Variants in FAM149B1 observed in about 807,000 individuals in gnomAD.
FAM149B1 encodes the protein family with sequence similarity 149 member B1.
In FAM149B1, 56 loss-of-function variants were observed where a neutral mutation model predicts 75.3. That is an observed-to-expected ratio of 0.74 (90% CI 0.60 to 0.93). The LOEUF (loss-of-function observed/expected upper bound fraction) is 0.93. FAM149B1 is among the 40% of genes least tolerant of loss of function. The pLI is 0.00. For missense variants in FAM149B1, 639 were observed against 708.4 expected, an observed-to-expected ratio of 0.90 and a Z score of 1.11; for synonymous variants, 259 against 256.1, an observed-to-expected ratio of 1.01 and a Z score of -0.11.
In FAM149B1 at chr10:73,168,305, G is replaced by A. The variant is rs1268264688; in HGVS notation, c.-35G>A. On this transcript the variant is annotated 5_prime_UTR_variant, in exon 1 of 14. Transcript: ENST00000242505. The stretch of plus-strand genomic sequence containing the variant: ...ACCCTGGCGTGCCTGCCCCGGCCGC[G>A]GCTGAGGAGGAGGAGGAGGAGGAGG... The A allele has an allele frequency of 6.5e-6, 10 of 1,545,026 alleles. No individual in the cohort carries two copies. Among genetic ancestry groups the A allele is most frequent in the Admixed American group, 2.0e-5 (1 of 50,854 alleles).
At chr10:73,183,901 A>G (rs953290522) in intron 3 of FAM149B1, among the ~76,000 whole-genome samples, 2 of 152,252 alleles carry the variant, frequency 1.3e-5, no homozygotes, top group Non-Finnish European at 2.9e-5. Context: ...GCCCAACAGC[A>G]TGTAAGTAAC....
chr10:73,226,099 ATTTT>A (rs59418464), intron 7 of FAM149B1, among the ~76,000 whole-genome samples: 2 of 143,160 alleles, frequency 1.4e-5, no homozygotes, highest in African/African-American at 2.6e-5. Context: ...TACCACAATA[ATTTT>A]TTTTTTTTTT....
At chr10:73,174,498 T>G (rs1304916357) in intron 1 of FAM149B1, among the ~76,000 whole-genome samples, 189 bp from the exon 2 acceptor site, 1 of 152,216 alleles carries the variant, frequency 6.6e-6, no homozygotes, top group African/African-American at 2.4e-5. Flanking sequence ...TTGCAAATTC[T>G]TCTTGAAATC....
intron 3 of FAM149B1, among the ~76,000 whole-genome samples, chr10:73,190,070 T>C (rs773733445): frequency 6.6e-6 from 1 of 152,118 alleles, no homozygotes; most frequent in Non-Finnish European, 1.5e-5. Flanking sequence ...GTGAAACAGA[T>C]AGTAGCTAAT....
intron 7 of FAM149B1, among the ~76,000 whole-genome samples, chr10:73,220,809 G>A (rs2043395909): frequency 6.6e-6 from 1 of 152,174 alleles, no homozygotes; most frequent in Admixed American, 6.5e-5. Context: ...AGCCAGGACA[G>A]CACCTTGATC....
In FAM149B1 at chr10:73,211,051, C is replaced by G. The variant is rs147483932; in HGVS notation, c.898+613C>G. Among the ~76,000 whole-genome samples, 60 of 152,202 alleles carry G rather than the reference C, an allele frequency of 3.9e-4. No individual in the cohort carries two copies. In the East Asian group the frequency reaches 0.011, roughly 29 times the overall value. Reference sequence around the variant, plus strand: ...ATCCCACAAATTAAGGGCCCAGTCCCACAAGACTACCCCCAACTTCAGATG... The same window carrying G: ...ATCCCACAAATTAAGGGCCCAGTCCGACAAGACTACCCCCAACTTCAGATG... On this transcript the variant is annotated intron_variant, in intron 7 of 13. Transcript: ENST00000242505.
chr10:73,205,746 G>C (rs1391185039), intron 5 of FAM149B1, among the ~76,000 whole-genome samples: 1 of 152,044 alleles, frequency 6.6e-6, no homozygotes, highest in Non-Finnish European at 1.5e-5. Flanking sequence ...TAGAGATGAG[G>C]GTTCACTGTG....
At chr10:73,186,024 T>C (rs1338886668) in intron 3 of FAM149B1, among the ~76,000 whole-genome samples, 1 of 152,074 alleles carries the variant, frequency 6.6e-6, no homozygotes, top group Non-Finnish European at 1.5e-5. Context: ...CTCTTGAAAT[T>C]AGACACAAAA....
chr10:73,233,266 A>T, intron 10 of FAM149B1, 103 bp downstream of exon 10: 1 of 819,960 alleles, frequency 1.2e-6, no homozygotes, highest in Non-Finnish European at 2.0e-6. Flanking sequence ...CTAGAAACTA[A>T]TCATTAAGTA....
At chr10:73,204,521 T>G (rs1460081156) in intron 5 of FAM149B1, among the ~76,000 whole-genome samples, 1 of 152,216 alleles carries the variant, frequency 6.6e-6, no homozygotes, top group Non-Finnish European at 1.5e-5. Context: ...TATTTAACAT[T>G]TGGTTAAACT....
Position 73,235,312 on chromosome 10 carries a change from A to G in FAM149B1, c.1596A>G (p.Ser532=). The change falls in exon 12 of 14, where the codon TCA becomes TCG. Residue 532 remains serine (S), a synonymous_variant. Transcript: ENST00000242505. The stretch of plus-strand genomic sequence containing the variant: ...TCCCCAGGCCCAACACAACTCAATC[A>G]TTTTTGGTAGAGTGACGTACTTCCT... ...DFFPRPNTTQ[S]FLLDTQYRRS... 2 of 1,552,080 alleles carry G rather than the reference A, an allele frequency of 1.3e-6. No homozygotes were observed. Among genetic ancestry groups the G allele is most frequent in the East Asian group, 2.4e-5 (1 of 40,918 alleles).
chr10:73,240,216 T>C (rs2043910741), intron 13 of FAM149B1, among the ~76,000 whole-genome samples: 1 of 152,206 alleles, frequency 6.6e-6, no homozygotes, highest in African/African-American at 2.4e-5. Context: ...AATTTAGAAG[T>C]AATGGACAGC....
At chr10:73,218,296 A>G (rs934633770) in intron 7 of FAM149B1, among the ~76,000 whole-genome samples, 2 of 152,078 alleles carry the variant, frequency 1.3e-5, no homozygotes, top group Non-Finnish European at 2.9e-5. Context: ...CACCCTCTGA[A>G]TCATCTTTCA....
At chr10:73,215,289 T>C (rs940617396) in intron 7 of FAM149B1, among the ~76,000 whole-genome samples, 1 of 152,148 alleles carries the variant, frequency 6.6e-6, no homozygotes, top group Non-Finnish European at 1.5e-5. Context: ...CCTCCCAAAG[T>C]ACTGAGATGA....
intron 3 of FAM149B1, among the ~76,000 whole-genome samples, chr10:73,185,124 G>A (rs1234960680): frequency 6.6e-6 from 1 of 152,050 alleles, no homozygotes; most frequent in Non-Finnish European, 1.5e-5. Flanking sequence ...AGATGTAATG[G>A]ACAAATCCCT....
intron 7 of FAM149B1, among the ~76,000 whole-genome samples, chr10:73,211,475 T>A (rs2043184846): frequency 6.6e-6 from 1 of 152,242 alleles, no homozygotes; most frequent in African/African-American, 2.4e-5. Context: ...AATATCTGTT[T>A]ATTATCATCT....
At chr10:73,210,533 G>A in intron 7 of FAM149B1, 95 bp downstream of exon 7, 1 of 846,380 alleles carries the variant, frequency 1.2e-6, no homozygotes, top group Non-Finnish European at 1.8e-6. Flanking sequence ...AGTGCAAAAG[G>A]TGCGTATGGG....
intron 5 of FAM149B1, among the ~76,000 whole-genome samples, chr10:73,206,779 G>A (rs751318123): frequency 1.3e-5 from 2 of 152,218 alleles, no homozygotes; most frequent in Non-Finnish European, 2.9e-5. Flanking sequence ...GCCAGGTGTG[G>A]TGGCGGACGC....
At chr10:73,231,240 CA>C (rs2043690101) in intron 9 of FAM149B1, 1 of 152,078 alleles carries the variant, frequency 6.6e-6, no homozygotes, top group African/African-American at 2.4e-5. Flanking sequence ...AATTAATTAA[CA>C]AGGGTCATTT....
Sources: allele counts gnomAD v4.1 joint callset (sites outside exome capture counted in the v4.1 genomes callset), GRCh38; gene constraint gnomAD v4.1.1; transcripts MANE v1.5; gene names NCBI Gene and HGNC (gene_info 2026-07-23, HGNC 2026-07-21).